The following SHARPIN variants were observed in gnomAD, a reference collection of about 807,000 sequenced individuals.
SHARPIN encodes the protein SHANK associated RH domain interactor.
Under a neutral mutation model 40.3 loss-of-function variants are expected in SHARPIN, and 25 were observed. The observed-to-expected ratio is 0.62, with a 90% CI of 0.45 to 0.87. SHARPIN has a LOEUF of 0.87. SHARPIN is among the 40% of genes least tolerant of loss of function. The probability of loss-of-function intolerance (pLI) is 0.00; values close to 1 mark genes in which losing one functional copy is unlikely to be tolerated. For missense variants in SHARPIN, 551 were observed against 516.1 expected (o/e 1.07, Z -0.66); for synonymous variants, 274 against 221.8 (o/e 1.24, Z -2.09).
Position 144,099,103 on chromosome 8 carries a change from G to A in SHARPIN, c.1025C>T (p.Ser342Phe), listed in dbSNP as rs781032080. 2 of 1,583,480 alleles carry A rather than the reference G, an allele frequency of 1.3e-6. No homozygotes were observed. Among genetic ancestry groups the A allele is most frequent in the African/African-American group, 1.4e-5 (1 of 73,348 alleles). ...CACCTGGAGTGGACTGGGCAGGCTG[G>A]AGGCAGCTGGCTGGGGGCCTGGGGG... ...GLPPGPQPAA[S>F]SLPSPLQPSW... The change falls in exon 7 of 9, where the codon TCC (serine) becomes TTC (phenylalanine). Residue 342 changes from serine (S) to phenylalanine (F), a missense_variant. Ser to Phe is a radical substitution (Grantham distance 155). Transcript: ENST00000398712.
chr8:144,099,265 T>C lies in SHARPIN; in HGVS notation c.922+12A>G. The C allele has an allele frequency of 6.2e-7, 1 of 1,613,930 alleles. No individual in the cohort carries two copies. Among genetic ancestry groups the C allele is most frequent in the East Asian group, 2.2e-5 (1 of 44,884 alleles). On this transcript the variant is annotated intron_variant, in intron 6 of 8. Transcript: ENST00000398712. The stretch of plus-strand genomic sequence containing the variant: ...CCCCACCTCCCACACCCCACCCCCA[T>C]CGAGGACTGACCTGGGGCTTCTCGA...
chr8:144,098,913 A>G lies in SHARPIN; in HGVS notation c.1129T>C (p.Cys377Arg), dbSNP rs1192680540. The change falls in exon 8 of 9, where the codon TGC (cysteine) becomes CGC (arginine). Residue 377 changes from cysteine to arginine, a missense_variant. Cys to Arg is a radical substitution (Grantham distance 180). Transcript: ENST00000398712. ...GCEMCSTQRP[C>R]TWDPLAAAST Reference sequence around the variant, plus strand: ...GCTGCAGCAAGGGGGTCCCAAGTGCAGGGCCTCTGGGTGCTACACATCTCA... The same window carrying G: ...GCTGCAGCAAGGGGGTCCCAAGTGCGGGGCCTCTGGGTGCTACACATCTCA... The G allele has an allele frequency of 6.3e-7, 1 of 1,592,800 alleles. No homozygotes were observed.
intron 2 of SHARPIN, 114 bp downstream of exon 2, chr8:144,102,937 C>G: frequency 4.4e-6 from 6 of 1,353,246 alleles, no homozygotes; most frequent in Non-Finnish European, 5.2e-6. Context: ...CTACTCCCTC[C>G]TGGAAGCCTT....
At chr8:144,100,372 C>A (rs1836265393) in intron 2 of SHARPIN, among the ~76,000 whole-genome samples, 2 of 152,254 alleles carry the variant, frequency 1.3e-5, no homozygotes, top group Admixed American at 1.3e-4. Flanking sequence ...GGATGCCTCA[C>A]AGCAGAACCA....
In SHARPIN at chr8:144,099,920, C is replaced by A. The variant is rs199932176; in HGVS notation, c.517+9G>T. 6.1e-4 allele frequency: 990 copies of A among 1,610,136 alleles called. 9 individuals carry two copies. The African/African-American group carries it at 0.011, about 18-fold the overall frequency. On this transcript the variant is annotated intron_variant, in intron 3 of 8. Transcript: ENST00000398712. ...CCCGAACCCCCCAACCCCCTCCCCC[C>A]ACCTGTACCTCTCTCCGTCAAGTTT...
At chr8:144,102,619 C>T (rs1282851221) in intron 2 of SHARPIN, 8 of 219,726 alleles carry the variant, frequency 3.6e-5, no homozygotes, top group Non-Finnish European at 9.3e-6. Context: ...TTCTCCCCAA[C>T]CCTATCTGCA....
intron 2 of SHARPIN, 115 bp from the exon 3 acceptor site, chr8:144,100,184 C>G: frequency 7.6e-7 from 1 of 1,323,244 alleles, no homozygotes; most frequent in Non-Finnish European, 1.0e-6. Flanking sequence ...GGCCCTGCCT[C>G]AGGCCACACT....
intron 2 of SHARPIN, 77 bp from the exon 3 acceptor site, chr8:144,100,146 C>A (rs1171051529): frequency 2.7e-6 from 4 of 1,497,422 alleles, no homozygotes; most frequent in Non-Finnish European, 3.6e-6. Context: ...AGGACCTTTG[C>A]CTTCTCCCTC....
intron 3 of SHARPIN, 33 bp from the exon 4 acceptor site, chr8:144,099,877 T>C: frequency 1.2e-6 from 2 of 1,611,240 alleles, no homozygotes; most frequent in Non-Finnish European, 1.7e-6. Flanking sequence ...CTGTCACCAC[T>C]GGGGACTATC....
At position 144,103,408 on chromosome 8, in the gene SHARPIN, AC is replaced by A. The variant is rs917529795; in HGVS notation, c.201+144del. The stretch of plus-strand genomic sequence containing the variant: ...GTAGGTCCCAGTAGGTCCGAGCGTC[AC>A]CCCCATTTCACGGACGAGAAAACAG... On this transcript the variant is annotated intron_variant, in intron 1 of 8. Coordinates refer to ENST00000398712, the MANE Select transcript of SHARPIN (RefSeq NM_030974.4). The A allele has an allele frequency of 8.4e-6, 9 of 1,069,928 alleles. No individual in the cohort carries two copies. In the African/African-American group the frequency reaches 1.3e-4, roughly 15 times the overall value. The allele number at this position is 1,069,928 out of a possible 1,614,324, so 66.3% of individuals were successfully genotyped here.
chr8:144,102,784 C>G (rs547807104), intron 2 of SHARPIN: 11 of 583,056 alleles, frequency 1.9e-5, no homozygotes, highest in African/African-American at 1.9e-5. Context: ...GCCTCTCATC[C>G]TTCCTGAGGG....
rs763574934 is a variant in SHARPIN at position 144,098,983 on chromosome 8, G to A, written c.1059C>T (p.Ser353=). Residue 353 remains serine, a synonymous_variant, in exon 8 of 9, where the codon TCC becomes TCT. Transcript: ENST00000398712. ...CATTGATGAAGGTGCAGGAAGGACA[G>A]GACCAGCTGGGCTGGGGGAAGAGAG... is the stretch of plus-strand genomic sequence containing the variant. ...SLPSPLQPSW[S]CPSCTFINAP... is the part of the protein sequence containing the mutation. 1.2e-5 allele frequency: 20 copies of A among 1,603,038 alleles called. No individual in the cohort carries two copies. Among genetic ancestry groups the A allele is most frequent in the African/African-American group, 2.7e-5 (2 of 74,042 alleles).
Position 144,103,624 on chromosome 8 carries a change from G to A in SHARPIN, c.130C>T (p.Leu44=). 1 of 1,528,680 alleles carries A rather than the reference G, an allele frequency of 6.5e-7. No individual in the cohort carries two copies. The highest frequency in any genetic ancestry group is 8.7e-7 in the Non-Finnish European group (1 of 1,144,104). The allele number at this position is 1,528,680 out of a possible 1,614,324, so 94.7% of individuals were successfully genotyped here. A position where few individuals can be genotyped will look rare whatever the true frequency, so the allele number is the denominator to read the frequency against. The change falls in exon 1 of 9, where the codon CTG becomes TTG. Residue 44 remains leucine, a synonymous_variant. Coordinates refer to ENST00000398712, the MANE Select transcript of SHARPIN (RefSeq NM_030974.4). ...GPDAEAQLRR[L]QLSADPERPG... Reference sequence around the variant, plus strand: ...CGCTCAGGGTCCGCGCTCAGCTGCAGCCTCCGCAGCTGTGCCTCGGCGTCT... The same window carrying A: ...CGCTCAGGGTCCGCGCTCAGCTGCAACCTCCGCAGCTGTGCCTCGGCGTCT...
At chr8:144,102,859 G>T in intron 2 of SHARPIN, 192 bp downstream of exon 2, 3 of 681,734 alleles carry the variant, frequency 4.4e-6, no homozygotes, top group South Asian at 1.8e-5. Context: ...GCTGGCTGGG[G>T]CCTCAGATGG....
intron 2 of SHARPIN, chr8:144,102,668 G>A (rs1050985342): frequency 6.0e-6 from 2 of 334,476 alleles, no homozygotes; most frequent in South Asian, 2.8e-5. Flanking sequence ...TTAAGCAGGA[G>A]GTATCTGAGT....
rs1587609179 is a variant in SHARPIN at position 144,099,359 on chromosome 8, C to T, written c.840G>A (p.Glu280=). The change falls in exon 6 of 9, where the codon GAG becomes GAA. Residue 280 remains glutamate, a synonymous_variant. Coordinates refer to ENST00000398712, the MANE Select transcript of SHARPIN (RefSeq NM_030974.4). Reference sequence around the variant, plus strand: ...GAACCCCGTAAGAGGCAAGGCTGCGCTCAGGCACACACAGGCACCGTCCGA... The same window carrying T: ...GAACCCCGTAAGAGGCAAGGCTGCGTTCAGGCACACACAGGCACCGTCCGA... The part of the protein sequence containing the change: ...WVIGRCLCVP[E]RSLASYGVRQ... 1.2e-6 allele frequency: 2 copies of T among 1,614,038 alleles called. No individual in the cohort carries two copies.
intron 2 of SHARPIN, among the ~76,000 whole-genome samples, chr8:144,102,063 A>C (rs1415160834): frequency 6.6e-6 from 1 of 152,092 alleles, no homozygotes; most frequent in Non-Finnish European, 1.5e-5. Flanking sequence ...CTCAACTGCT[A>C]ACTCTTCCAT....
At position 144,103,738 on chromosome 8, in the gene SHARPIN, C is replaced by T; in HGVS notation, c.16G>A (p.Gly6Ser). 2 of 1,382,388 alleles carry T rather than the reference C, an allele frequency of 1.4e-6. No individual in the cohort carries two copies. Among genetic ancestry groups the T allele is most frequent in the Non-Finnish European group, 1.9e-6 (2 of 1,074,638 alleles). The allele number at this position is 1,382,388 out of a possible 1,614,324, so 85.6% of individuals were successfully genotyped here. Residue 6 changes from glycine (G) to serine (S), a missense_variant, in exon 1 of 9, where the codon GGC (glycine) becomes AGC (serine). By Grantham distance (56) the Gly-to-Ser change is moderately conservative (BLOSUM62 0). Transcript: ENST00000398712. The part of the protein sequence containing the change: MAPPA[G>S]GAAAAASDLG... ...TCCGAGGCCGCCGCCGCCGCCCCGC[C>T]CGCTGGCGGCGCCATCTCCGGTCCG...
In SHARPIN at chr8:144,098,998, G is replaced by T. The variant is rs1418734674; in HGVS notation, c.1048-4C>A. On this transcript the variant is annotated splice_polypyrimidine_tract_variant and splice_region_variant and intron_variant, in intron 7 of 8. Transcript: ENST00000398712. ...AGGAAGGACAGGACCAGCTGGGCTGGGGGAAGAGAGACAGTTGTTGCTTCC... is the reference window on the plus strand; with the variant it reads ...AGGAAGGACAGGACCAGCTGGGCTGTGGGAAGAGAGACAGTTGTTGCTTCC... 2 of 1,602,328 alleles carry T rather than the reference G, an allele frequency of 1.2e-6. No homozygotes were observed. Among genetic ancestry groups the T allele is most frequent in the Non-Finnish European group, 1.7e-6 (2 of 1,176,482 alleles).
Sources: allele counts gnomAD v4.1 joint callset (sites outside exome capture counted in the v4.1 genomes callset), GRCh38; gene constraint gnomAD v4.1.1; transcripts MANE v1.5; gene names NCBI Gene and HGNC (gene_info 2026-07-23, HGNC 2026-07-21).